EVC: variants seen among roughly 807,000 people sequenced by gnomAD.
EVC encodes evC complex member EVC.
In EVC, 116 loss-of-function variants were observed where a neutral mutation model predicts 118.9. The ratio of observed to expected loss-of-function variants is 0.98; its 90% CI spans 0.84 to 1.14. EVC has a LOEUF of 1.14. Ranked by LOEUF, EVC falls within the 50% of genes most tolerant of loss-of-function variation. The pLI, the probability that EVC is intolerant of heterozygous loss-of-function variation, is 0.00. For synonymous variants in EVC, 619 were observed against 534.7 expected, an observed-to-expected ratio of 1.16 and a Z score of -2.18; for missense variants, 1,401 against 1,246.4, an observed-to-expected ratio of 1.12 and a Z score of -1.87.
the EVC span, chr4:5,824,249 T>G: frequency 3.1e-6 from 3 of 976,262 alleles, no homozygotes; most frequent in Non-Finnish European, 2.4e-6. Context: ...TTTCCCAGGA[T>G]GAAGCCAATC....
At chr4:5,809,297 A>G (rs1422309267) in intron 18 of EVC, among the ~76,000 whole-genome samples, 5 of 152,296 alleles carry the variant, frequency 3.3e-5, no homozygotes, top group Middle Eastern at 6.8e-3. Context: ...ACCGACGGCC[A>G]GTGTGAGTGA....
At chr4:5,795,390 A>T (rs944362496) in intron 13 of EVC, among the ~76,000 whole-genome samples, 10 of 152,114 alleles carry the variant, frequency 6.6e-5, no homozygotes, top group African/African-American at 2.4e-4. Flanking sequence ...GGTGGCTTAC[A>T]TCTGTAATCC....
At chr4:5,821,596 A>T in the EVC span, 2 of 683,208 alleles carry the variant, frequency 2.9e-6, no homozygotes, top group Non-Finnish European at 4.9e-6. This position sits in a 1 kb window ranked among gnomAD's most constrained non-coding sequence, Gnocchi z 4.4. Flanking sequence ...AACACACCAC[A>T]CTAGTACCAC....
At position 5,731,837 on chromosome 4, in the gene EVC, T is replaced by G. The variant is rs1726875762; in HGVS notation, c.617+180T>G. ...GGCCTTTGTCACTTCCTGTGCTGTA[T>G]TGCCCAACACTGGGGTTATGGAGTC... On this transcript the variant is annotated intron_variant, in intron 4 of 20. Coordinates refer to ENST00000264956, the MANE Select transcript of EVC (RefSeq NM_153717.3). This position sits in a 1 kb window ranked among gnomAD's most constrained non-coding sequence, Gnocchi z 5.6. Among the ~76,000 whole-genome samples, 1 of 152,190 alleles carries G rather than the reference T, an allele frequency of 6.6e-6. No individual in the cohort carries two copies. The highest frequency in any genetic ancestry group is 2.1e-4 in the South Asian group (1 of 4,824).
intron 11 of EVC, among the ~76,000 whole-genome samples, chr4:5,769,565 C>G (rs958668089): frequency 1.3e-5 from 2 of 152,122 alleles, no homozygotes; most frequent in South Asian, 4.2e-4. Flanking sequence ...CTCGGCACCT[C>G]ACAAACAGGT....
the EVC span, chr4:5,828,166 G>A: frequency 1.0e-6 from 1 of 985,410 alleles, no homozygotes; most frequent in South Asian, 4.7e-5. Context: ...CACCTCCCGT[G>A]GGTGGGCAGG....
At chr4:5,775,150 A>C (rs1734527440) in intron 11 of EVC, among the ~76,000 whole-genome samples, 1 of 152,314 alleles carries the variant, frequency 6.6e-6, no homozygotes, top group South Asian at 2.1e-4. Context: ...CAAGAATGAC[A>C]GTCAACTTAA....
intron 17 of EVC, among the ~76,000 whole-genome samples, chr4:5,806,329 G>T (rs564991595): frequency 6.6e-6 from 1 of 151,972 alleles, no homozygotes; most frequent in South Asian, 2.1e-4. Context: ...TGATTCACCC[G>T]CCTTGGCCTC....
chr4:5,713,626 A>G (rs6845810), intron 1 of EVC, among the ~76,000 whole-genome samples: 121,350 of 146,616 alleles, frequency 0.83, 50,525 homozygotes, highest in African/African-American at 0.91. Flanking sequence ...GCAGTGAGCC[A>G]AGATCGCACC....
chr4:5,810,880 T>G, intron 20 of EVC, 73 bp from the exon 21 acceptor site: 9 of 1,340,530 alleles, frequency 6.7e-6, no homozygotes, highest in Non-Finnish European at 9.5e-6. Context: ...TTTAATCCGA[T>G]TGGGTAAGTT....
intron 12 of EVC, among the ~76,000 whole-genome samples, chr4:5,793,279 ATAAAT>A (rs1713140757): frequency 1.3e-5 from 2 of 152,232 alleles, no homozygotes; most frequent in African/African-American, 2.4e-5. Context: ...CAGAAAAAAA[ATAAAT>A]TATTTAATAA....
chr4:5,766,031 G>A (rs1732809331), intron 11 of EVC, among the ~76,000 whole-genome samples: 1 of 134,054 alleles, frequency 7.5e-6, no homozygotes, highest in African/African-American at 2.9e-5. Context: ...TGATTTTGCA[G>A]CGGCTTGTAC....
chr4:5,793,538 C>T, intron 12 of EVC, 70 bp from the exon 13 acceptor site: 1 of 1,317,842 alleles, frequency 7.6e-7, no homozygotes, highest in Non-Finnish European at 1.1e-6. Context: ...ACAAAATGCA[C>T]AATCCTAGCA....
At chr4:5,734,301 C>G (rs946358168) in intron 5 of EVC, among the ~76,000 whole-genome samples, 3 of 152,282 alleles carry the variant, frequency 2.0e-5, no homozygotes, top group East Asian at 1.9e-4. Context: ...GACAGACACA[C>G]AGATATGTCT....
At chr4:5,759,348 T>C (rs2152111573) in intron 11 of EVC, among the ~76,000 whole-genome samples, 1 of 151,536 alleles carries the variant, frequency 6.6e-6, no homozygotes, top group East Asian at 1.9e-4. Context: ...CCCAAGGACA[T>C]GGTCACTTCC....
Position 5,748,263 on chromosome 4 carries a change from C to T in EVC, c.1055C>T (p.Ala352Val), listed in dbSNP as rs750190123. The T allele has an allele frequency of 1.9e-5, 30 of 1,614,046 alleles. No individual in the cohort carries two copies. The South Asian group carries it at 2.9e-4, about 15-fold the overall frequency. Residue 352 changes from alanine to valine, a missense_variant, in exon 8 of 21, where the codon GCA becomes GTA. Physicochemically the swap from Ala to Val is moderately conservative, Grantham distance 64 (BLOSUM62 0). Coordinates refer to ENST00000264956, the MANE Select transcript of EVC (RefSeq NM_153717.3). ...ATGACTCTGACGGAAAGAATGATTGCAGCCGAAGGGCTATTGTGCGATTCT... is the reference window on the plus strand; with the variant it reads ...ATGACTCTGACGGAAAGAATGATTGTAGCCGAAGGGCTATTGTGCGATTCT... ...LMMTLTERMI[A>V]AEGLLCDSQE...
intron 2 of EVC, among the ~76,000 whole-genome samples, chr4:5,723,257 T>C (rs1725263454): frequency 6.6e-6 from 1 of 151,628 alleles, no homozygotes; most frequent in East Asian, 2.0e-4. Context: ...TGGTGCGATC[T>C]CGGCTCCCTG....
At chr4:5,732,679 T>C (rs1727011826) in intron 4 of EVC, among the ~76,000 whole-genome samples, 1 of 152,222 alleles carries the variant, frequency 6.6e-6, no homozygotes, top group African/African-American at 2.4e-5. Flanking sequence ...ATGTCTCTGC[T>C]AAGGCACCGA....
At position 5,746,665 on chromosome 4, in the gene EVC, C is replaced by A. The variant is rs73795042; in HGVS notation, c.939+1324C>A. 0.063 allele frequency among the ~76,000 whole-genome samples: 9,569 copies of A among 152,174 alleles called. 576 individuals carry two copies. Among genetic ancestry groups the A allele is most frequent in the African/African-American group, 0.16 (6,564 of 41,488 alleles). ...CCCAACGCTGTGTGCAGTATCTTGTCCATGTCTGCCTTTCTCAGGGACAGG... is the reference window on the plus strand; with the variant it reads ...CCCAACGCTGTGTGCAGTATCTTGTACATGTCTGCCTTTCTCAGGGACAGG... On this transcript the variant is annotated intron_variant, in intron 7 of 20. Transcript: ENST00000264956. This position sits in a 1 kb window ranked among gnomAD's most constrained non-coding sequence, Gnocchi z 5.8.
Sources: allele counts gnomAD v4.1 joint callset (sites outside exome capture counted in the v4.1 genomes callset), GRCh38; gene constraint gnomAD v4.1.1; non-coding constraint Gnocchi (gnomAD v3.1); transcripts MANE v1.5; gene names NCBI Gene and HGNC (gene_info 2026-07-23, HGNC 2026-07-21).